Variants in ANO10 observed in about 807,000 individuals in gnomAD.
ANO10 encodes anoctamin-10.
Under a neutral mutation model 74.7 loss-of-function variants are expected in ANO10, and 77 were observed. The observed-to-expected ratio is 1.03, with a 90% confidence interval of 0.86 to 1.25. ANO10 has a LOEUF of 1.25. Ranked by LOEUF, ANO10 falls within the 50% of genes most tolerant of loss-of-function variation. ANO10 has a pLI of 0.00. For synonymous variants in ANO10, 279 were observed against 284.9 expected (o/e 0.98, Z 0.21); for missense variants, 721 against 778.1 (o/e 0.93, Z 0.87).
chr3:43,549,607 C>T, intron 11 of ANO10, 113 bp downstream of exon 11: 1 of 1,230,848 alleles, frequency 8.1e-7, no homozygotes, highest in African/African-American at 1.5e-5. Context: ...GCTTTCTTAC[C>T]AGTAAATCCA....
chr3:43,491,020 G>A (rs2076699602), intron 11 of ANO10, among the ~76,000 whole-genome samples: 1 of 152,132 alleles, frequency 6.6e-6, no homozygotes, highest in African/African-American at 2.4e-5. Context: ...GAATGGCAGG[G>A]GGGCGGGGTT....
At chr3:43,408,119 T>C (rs1359548558) in intron 12 of ANO10, among the ~76,000 whole-genome samples, 1 of 152,166 alleles carries the variant, frequency 6.6e-6, no homozygotes, top group African/African-American at 2.4e-5. Flanking sequence ...TGCATCAACA[T>C]ACTCCTAAGA....
chr3:43,508,943 T>TAAAAAAAAAAAA (rs35265220), intron 11 of ANO10, among the ~76,000 whole-genome samples: 1 of 104,718 alleles, frequency 9.5e-6, no homozygotes. Flanking sequence ...TAAAGTATAA[T>TAAAAAAAAAAAA]AAAAAAAAAA....
At chr3:43,393,923 C>A (rs1241123586) in intron 12 of ANO10, among the ~76,000 whole-genome samples, 1 of 152,148 alleles carries the variant, frequency 6.6e-6, no homozygotes, top group African/African-American at 2.4e-5. Context: ...AAGACCCCCT[C>A]TACCTGCTGC....
chr3:43,396,770 G>A (rs544416165), intron 12 of ANO10, among the ~76,000 whole-genome samples: 6 of 151,968 alleles, frequency 3.9e-5, no homozygotes, highest in Non-Finnish European at 7.4e-5. Context: ...TCAAACTCCT[G>A]AGCTCCTCCT....
intron 12 of ANO10, among the ~76,000 whole-genome samples, chr3:43,388,005 G>C (rs1418793468): frequency 1.3e-5 from 2 of 152,144 alleles, no homozygotes; most frequent in Non-Finnish European, 2.9e-5. Flanking sequence ...TAGAGGAATA[G>C]GTTATAATGG....
chr3:43,597,943 AC>A (rs1047892671), intron 4 of ANO10, among the ~76,000 whole-genome samples: 15 of 151,378 alleles, frequency 9.9e-5, no homozygotes, highest in African/African-American at 2.7e-4. Flanking sequence ...AACAACAACA[AC>A]AAAAAAAACA....
intron 11 of ANO10, among the ~76,000 whole-genome samples, chr3:43,549,477 C>A (rs2079355330): frequency 6.6e-6 from 1 of 152,090 alleles, no homozygotes; most frequent in Admixed American, 6.6e-5. Flanking sequence ...CTGGGCAGGC[C>A]AGCATAATAG....
intron 11 of ANO10, among the ~76,000 whole-genome samples, chr3:43,538,760 G>C (rs985341359): frequency 6.6e-6 from 1 of 152,168 alleles, no homozygotes; most frequent in African/African-American, 2.4e-5. Context: ...ACGGCCTGCT[G>C]TCTACACACA....
intron 4 of ANO10, among the ~76,000 whole-genome samples, chr3:43,598,046 C>A (rs1164847555): frequency 6.6e-6 from 1 of 152,158 alleles, no homozygotes; most frequent in African/African-American, 2.4e-5. Context: ...TTGAAGCAAA[C>A]TTGGAATTAT....
intron 11 of ANO10, among the ~76,000 whole-genome samples, chr3:43,474,458 T>C (rs2075989898): frequency 1.3e-5 from 2 of 152,210 alleles, no homozygotes; most frequent in African/African-American, 2.4e-5. Context: ...CTCTCCTTGA[T>C]TACATTTTTG....
intron 1 of ANO10, among the ~76,000 whole-genome samples, chr3:43,679,350 G>A (rs568568580): frequency 1.1e-4 from 16 of 152,124 alleles, no homozygotes; most frequent in Middle Eastern, 3.4e-3. Flanking sequence ...TTGCTAGCAC[G>A]GCAGTCTGAG....
chr3:43,450,924 G>A (rs932013311), intron 11 of ANO10, among the ~76,000 whole-genome samples: 2 of 152,142 alleles, frequency 1.3e-5, no homozygotes, highest in Non-Finnish European at 2.9e-5. Context: ...TTAGGTATCT[G>A]CCAAGTCCAG....
At chr3:43,639,360 G>A (rs921663106) in intron 1 of ANO10, among the ~76,000 whole-genome samples, 1 of 152,174 alleles carries the variant, frequency 6.6e-6, no homozygotes, top group Non-Finnish European at 1.5e-5. Context: ...GAGGGCTCCC[G>A]TCCACACCCT....
chr3:43,618,213 G>A (rs933958584), intron 1 of ANO10: 4 of 152,302 alleles, frequency 2.6e-5, no homozygotes, highest in African/African-American at 7.2e-5. Flanking sequence ...ACCACTCCCT[G>A]AGGGAACTCC....
At chr3:43,655,089 T>C (rs1458338905) in intron 1 of ANO10, among the ~76,000 whole-genome samples, 1 of 152,202 alleles carries the variant, frequency 6.6e-6, no homozygotes, top group Non-Finnish European at 1.5e-5. Context: ...TCATTTTCCT[T>C]TTACACGTAT....
intron 1 of ANO10, chr3:43,691,185 G>T: frequency 1.3e-6 from 1 of 780,994 alleles, no homozygotes; most frequent in Non-Finnish European, 1.8e-6. Flanking sequence ...GCATGAGTCC[G>T]CGCGGCGCCC....
chr3:43,438,352 T>C (rs1225337648), intron 11 of ANO10, among the ~76,000 whole-genome samples: 1 of 151,522 alleles, frequency 6.6e-6, no homozygotes, highest in East Asian at 2.0e-4. Context: ...ACTGAGGCTG[T>C]AGGATTGCTT....
At chr3:43,422,407 G>A (rs937842844) in intron 12 of ANO10, among the ~76,000 whole-genome samples, 9 of 152,140 alleles carry the variant, frequency 5.9e-5, no homozygotes, top group East Asian at 3.9e-4. Context: ...TAGCCACCGC[G>A]CCCACCCTTT....
Sources: allele counts gnomAD v4.1 joint callset (sites outside exome capture counted in the v4.1 genomes callset), GRCh38; gene constraint gnomAD v4.1.1; transcripts MANE v1.5; gene names NCBI Gene and HGNC (gene_info 2026-07-23, HGNC 2026-07-21).